The following GSN variants were observed in gnomAD, a reference collection of about 807,000 sequenced individuals.
GSN encodes actin-depolymerizing factor.
Under a neutral mutation model 85.7 loss-of-function variants are expected in GSN, and 56 were observed. That is an observed-to-expected ratio of 0.65 (90% confidence interval 0.53 to 0.82). The LOEUF (loss-of-function observed/expected upper bound fraction) is 0.82, where lower values mean the gene tolerates loss of function less well. GSN is among the 40% of genes least tolerant of loss of function. The pLI, the probability that GSN is intolerant of heterozygous loss-of-function variation, is 0.00. For missense variants in GSN, 857 were observed against 979.8 expected, an observed-to-expected ratio of 0.87 and a Z score of 1.67; for synonymous variants, 373 against 399.1, an observed-to-expected ratio of 0.93 and a Z score of 0.78.
intron 5 of GSN, among the ~76,000 whole-genome samples, chr9:121,243,506 A>G (rs566563345): frequency 6.6e-6 from 1 of 152,326 alleles, no homozygotes; most frequent in East Asian, 1.9e-4. Flanking sequence ...GGTACTAACT[A>G]GCAAAATTAC....
At chr9:121,300,836 A>G (rs1023623379) in intron 2 of GSN, among the ~76,000 whole-genome samples, 1 of 151,658 alleles carries the variant, frequency 6.6e-6, no homozygotes, top group Non-Finnish European at 1.5e-5. Flanking sequence ...AGCCATTTGG[A>G]CCCTTCTTGG....
upstream of GSN, among the ~76,000 whole-genome samples, chr9:121,264,928 T>C (rs1295614322): frequency 6.6e-6 from 1 of 152,228 alleles, no homozygotes; most frequent in Non-Finnish European, 1.5e-5. Context: ...AGCCATTTTC[T>C]GGAAAGCAGA....
intron 6 of GSN, among the ~76,000 whole-genome samples, chr9:121,255,800 G>A (rs911728654): frequency 2.0e-5 from 3 of 152,118 alleles, no homozygotes; most frequent in African/African-American, 7.2e-5. Context: ...TTGTAAATAT[G>A]CCATTTTGCC....
chr9:121,282,428 T>A, intron 2 of GSN: 2 of 1,259,178 alleles, frequency 1.6e-6, no homozygotes, highest in Non-Finnish European at 2.0e-6. Flanking sequence ...CCATCCCTTT[T>A]CTGCCAAAAG....
chr9:121,244,323 T>C (rs56340507), intron 5 of GSN, among the ~76,000 whole-genome samples: 343 of 152,302 alleles, frequency 2.3e-3, no homozygotes, highest in African/African-American at 8.0e-3. Flanking sequence ...AATGTGAAAA[T>C]ATGTTTTCAT....
In GSN at chr9:121,317,143, G is replaced by A. The variant is rs761334580; in HGVS notation, c.811G>A (p.Ala271Thr). 8.7e-6 allele frequency: 14 copies of A among 1,614,018 alleles called. No individual in the cohort carries two copies. The Admixed American group carries it at 1.0e-4, about 12-fold the overall frequency. ...VSLVADENPF[A>T]QGALKSEDCF... ...CCTCGTGGCTGATGAGAACCCCTTC[G>A]CCCAGGGGGCCCTGAAGTCAGAGGA... Residue 271 changes from alanine to threonine, a missense_variant, in exon 8 of 18, where the codon GCC becomes ACC. Transcript: ENST00000432226.
intron 5 of GSN, among the ~76,000 whole-genome samples, chr9:121,241,632 AC>A (rs2054607508): frequency 6.6e-6 from 1 of 152,234 alleles, no homozygotes; most frequent in Non-Finnish European, 1.5e-5. Context: ...ACTGTAAAGC[AC>A]GTTTCATGCT....
intron 12 of GSN, among the ~76,000 whole-genome samples, chr9:121,326,140 C>T (rs2063138517): frequency 6.7e-6 from 1 of 150,266 alleles, no homozygotes; most frequent in South Asian, 2.1e-4. Flanking sequence ...ACCACTCCAC[C>T]AGCAGTCATG....
At chr9:121,229,577 G>A (rs1199324168) in intron 4 of GSN, among the ~76,000 whole-genome samples, 1 of 152,156 alleles carries the variant, frequency 6.6e-6, no homozygotes, top group Admixed American at 6.6e-5. Context: ...CACAATTTAG[G>A]TTTGTCATTA....
At chr9:121,233,578 A>T (rs1238290489) in intron 5 of GSN, among the ~76,000 whole-genome samples, 1 of 152,188 alleles carries the variant, frequency 6.6e-6, no homozygotes, top group Non-Finnish European at 1.5e-5. Flanking sequence ...AGTCCAGTTA[A>T]ACCTTCAGAT....
At chr9:121,326,777 G>A (rs551908687) in intron 13 of GSN, 95 bp downstream of exon 13, 2 of 1,110,312 alleles carry the variant, frequency 1.8e-6, no homozygotes, top group African/African-American at 1.5e-5. Context: ...GGGGGCAGGG[G>A]ATGGTGAATG....
intron 6 of GSN, chr9:121,313,180 C>T (rs933017568): frequency 6.4e-6 from 1 of 155,066 alleles, no homozygotes; most frequent in Non-Finnish European, 1.4e-5. Flanking sequence ...GAGCCCCAAT[C>T]CCCTCTTTTC....
chr9:121,269,369 A>T (rs981953073), intron 1 of GSN, among the ~76,000 whole-genome samples: 2 of 152,168 alleles, frequency 1.3e-5, no homozygotes, highest in Admixed American at 1.3e-4. Context: ...CAGAGAGTTT[A>T]TGATGGGCTA....
intron 12 of GSN, among the ~76,000 whole-genome samples, chr9:121,325,940 C>T (rs1214424361): frequency 6.6e-6 from 1 of 151,956 alleles, no homozygotes; most frequent in Non-Finnish European, 1.5e-5. Context: ...GCCTGACGTA[C>T]ATGTGAGGTT....
chr9:121,284,444 C>T (rs3827678), intron 2 of GSN: 66,011 of 166,946 alleles, frequency 0.4, 15,938 homozygotes, highest in East Asian at 0.62. Context: ...CAGACACCAC[C>T]GGGCCCTCTG....
upstream of GSN, chr9:121,265,777 C>A (rs1412333956): frequency 6.6e-6 from 1 of 152,100 alleles, no homozygotes; most frequent in Non-Finnish European, 1.5e-5. Context: ...GACAAACAGG[C>A]CTTACCTTAC....
Position 121,261,965 on chromosome 9 carries a change from T to A in GSN, c.-340-3189T>A, listed in dbSNP as rs1364197089. On this transcript the variant is annotated intron_variant, in intron 6 of 24. Transcript: ENST00000373823. The surrounding 1 kb of genome is among the most constrained non-coding windows in gnomAD (Gnocchi z 4.1). Reference sequence around the variant, plus strand: ...ACAAAAATAGCACCATCTCCAAGATTTTTTTGGTGTGGGTGTGTTTAAGGG... The same window carrying A: ...ACAAAAATAGCACCATCTCCAAGATATTTTTGGTGTGGGTGTGTTTAAGGG... Among the ~76,000 whole-genome samples the A allele has an allele frequency of 6.6e-6, 1 of 152,172 alleles. No homozygotes were observed. Among genetic ancestry groups the A allele is most frequent in the Non-Finnish European group, 1.5e-5 (1 of 68,042 alleles).
intron 5 of GSN, chr9:121,311,110 A>T (rs190633583): frequency 2.0e-6 from 1 of 510,148 alleles, no homozygotes; most frequent in Non-Finnish European, 3.6e-6. Context: ...CCTTTTTCAC[A>T]TGCTTATAAA....
chr9:121,298,938 C>G (rs2059473830), intron 2 of GSN, among the ~76,000 whole-genome samples: 1 of 152,126 alleles, frequency 6.6e-6, no homozygotes, highest in African/African-American at 2.4e-5. Context: ...AAGGCAAACT[C>G]TGTCTTCCCC....
Sources: gnomAD v4.1 joint callset for allele counts (sites outside exome capture counted in the v4.1 genomes callset) on GRCh38, gnomAD v4.1.1 for gene constraint, Gnocchi (gnomAD v3.1) non-coding constraint, MANE v1.5 for transcripts, NCBI Gene and HGNC (gene_info 2026-07-23, HGNC 2026-07-21) for gene names.